The following COL4A1 variants were observed in gnomAD, a reference collection of about 807,000 sequenced individuals.
The protein encoded by COL4A1 is collagen alpha-1(IV) chain.
COL4A1 carries 40 observed loss-of-function variants against 216.6 expected under a neutral mutation model. The observed-to-expected ratio is 0.18, with a 90% CI of 0.14 to 0.24. The LOEUF is 0.24. Among genes scored for constraint, COL4A1 ranks in the 10% least tolerant of loss-of-function variants. The pLI is 1.00. For missense variants in COL4A1, 1,628 were observed against 2,196.8 expected (o/e 0.74, Z 5.18); for synonymous variants, 839 against 810.7 (o/e 1.03, Z -0.59).
chr13:110,229,555 C>G (rs1383108187), intron 2 of COL4A1, among the ~76,000 whole-genome samples: 2 of 152,190 alleles, frequency 1.3e-5, no homozygotes, highest in African/African-American at 4.8e-5. Context: ...ATGCCCCGCC[C>G]CAAATTCCTG....
At chr13:110,156,451 T>C (rs921395052) in intron 49 of COL4A1, among the ~76,000 whole-genome samples, 1 of 152,230 alleles carries the variant, frequency 6.6e-6, no homozygotes, top group Non-Finnish European at 1.5e-5. Context: ...GAAACTTGTC[T>C]TTTTGGTCTG....
At chr13:110,250,328 A>C (rs1882016371) in intron 1 of COL4A1, among the ~76,000 whole-genome samples, 1 of 152,076 alleles carries the variant, frequency 6.6e-6, no homozygotes, top group Non-Finnish European at 1.5e-5. Context: ...TCTGCTTCTC[A>C]ATTAGAGACT....
intron 1 of COL4A1, among the ~76,000 whole-genome samples, chr13:110,283,496 ACACGCACACTCT>A (rs1273727227): frequency 2.0e-5 from 3 of 152,232 alleles, no homozygotes; most frequent in Non-Finnish European, 4.4e-5. Context: ...CCCCATAGGC[ACACGCACACTCT>A]CACGCACACA....
At chr13:110,250,510 C>T (rs1209135840) in intron 1 of COL4A1, among the ~76,000 whole-genome samples, 6 of 152,100 alleles carry the variant, frequency 3.9e-5, no homozygotes, top group African/African-American at 9.7e-5. Flanking sequence ...TCCCACTAAA[C>T]GGGGGTGGAC....
chr13:110,200,843 A>C lies in COL4A1; in HGVS notation c.1120+11T>G, dbSNP rs1879158971. On this transcript the variant is annotated intron_variant, in intron 20 of 51. Coordinates refer to ENST00000375820, the MANE Select transcript of COL4A1 (RefSeq NM_001845.6). ...CAAGTATGCTATAACAAATCAGTTA[A>C]GGAGTCTCACCTGGAGGTCCGGGTT... is the stretch of plus-strand genomic sequence containing the variant. The C allele has an allele frequency of 6.2e-7, 1 of 1,613,676 alleles. No individual in the cohort carries two copies. Among genetic ancestry groups the C allele is most frequent in the African/African-American group, 1.3e-5 (1 of 74,936 alleles).
chr13:110,198,354 G>C, intron 21 of COL4A1, 113 bp downstream of exon 21: 1 of 1,108,350 alleles, frequency 9.0e-7, no homozygotes, highest in Non-Finnish European at 1.3e-6. Flanking sequence ...AAGAATCCAC[G>C]CCTTTCTATT....
chr13:110,174,881 A>T, intron 37 of COL4A1, 132 bp from the exon 38 acceptor site: 1 of 962,570 alleles, frequency 1.0e-6, no homozygotes. Flanking sequence ...CAGATTTCTC[A>T]TCAAAGAATC....
chr13:110,162,530 A>G (rs1877134512), intron 47 of COL4A1, 88 bp from the exon 48 acceptor site: 1 of 1,007,674 alleles, frequency 9.9e-7, no homozygotes, highest in Non-Finnish European at 1.5e-6. Flanking sequence ...AGAGTTTTTA[A>G]TATTTTATAT....
chr13:110,233,324 C>A (rs899620637), intron 2 of COL4A1, among the ~76,000 whole-genome samples: 2 of 152,050 alleles, frequency 1.3e-5, no homozygotes, highest in East Asian at 3.9e-4. Context: ...CTTGGCATTG[C>A]AAACGCCAGA....
intron 19 of COL4A1, 31 bp from the exon 20 acceptor site, chr13:110,200,920 C>A: frequency 6.2e-7 from 1 of 1,612,062 alleles, no homozygotes. Context: ...TTGGATCAAA[C>A]AGAACAGTTC....
chr13:110,187,351 A>G, intron 24 of COL4A1, 22 bp from the exon 25 acceptor site: 1 of 1,611,734 alleles, frequency 6.2e-7, no homozygotes. Flanking sequence ...AAGCCTTGTG[A>G]TCCACAGAAG....
intron 23 of COL4A1, 55 bp from the exon 24 acceptor site, chr13:110,192,339 C>T: frequency 6.5e-7 from 1 of 1,529,508 alleles, no homozygotes; most frequent in Non-Finnish European, 9.1e-7. Context: ...AGACACTTCT[C>T]AAAACCTTTT....
At chr13:110,206,969 G>GAA (rs60585275) in intron 13 of COL4A1, 78 bp from the exon 14 acceptor site, 552 of 1,154,738 alleles carry the variant, frequency 4.8e-4, no homozygotes, top group African/African-American at 5.3e-4. Flanking sequence ...ACACACAGCA[G>GAA]AAAAAAAAAA....
chr13:110,243,748 C>T (rs974918666), intron 1 of COL4A1, among the ~76,000 whole-genome samples: 2 of 152,206 alleles, frequency 1.3e-5, no homozygotes, highest in Non-Finnish European at 2.9e-5. Context: ...GCACAGTCAG[C>T]GATCATCTTA....
rs748638078 is a variant in COL4A1, at chr13:110,176,709, A to G, written c.2885T>C (p.Ile962Thr). The G allele has an allele frequency of 8.1e-6, 13 of 1,613,954 alleles. No homozygotes were observed. Among genetic ancestry groups the G allele is most frequent in the African/African-American group, 1.3e-5 (1 of 74,908 alleles). ...GTCTCCTCGGGATCCCTTCTCACCA[A>G]TTGGTCCAATTTGTCCTACACATCA... ...DQGEKGQIGP[I>T]GEKGSRGDPG... Residue 962 changes from isoleucine (I) to threonine (T), a missense_variant, in exon 35 of 52, where the codon ATT becomes ACT. By Grantham distance (89) the Ile-to-Thr change is moderately conservative. This residue lies in a region of COL4A1 where 58 missense variants were observed against 132.5 expected (regional missense o/e 0.44). Coordinates refer to ENST00000375820, the MANE Select transcript of COL4A1 (RefSeq NM_001845.6).
intron 22 of COL4A1, among the ~76,000 whole-genome samples, chr13:110,193,895 T>C (rs1377381312): frequency 6.6e-6 from 1 of 152,176 alleles, no homozygotes; most frequent in African/African-American, 2.4e-5. Context: ...CGTGGGTGTG[T>C]CTGTTCGCAA....
chr13:110,245,302 A>G (rs1016586694), intron 1 of COL4A1, among the ~76,000 whole-genome samples: 4 of 152,188 alleles, frequency 2.6e-5, no homozygotes, highest in African/African-American at 9.7e-5. Context: ...GCCACTGCCC[A>G]CAACCTGTTT....
At position 110,203,507 on chromosome 13, in the gene COL4A1, G is replaced by C. The variant is rs1412630848; in HGVS notation, c.999+59C>G. 1.9e-6 allele frequency: 3 copies of C among 1,591,854 alleles called. No homozygotes were observed. The African/African-American group carries it at 4.0e-5, about 21-fold the overall frequency. On this transcript the variant is annotated intron_variant, in intron 18 of 51. Transcript: ENST00000375820. ...TCCCCCCAGTGCTCTCACAGACCCAGGGTCCTCTCCTTCCTCCCCCAGCGC... is the reference window on the plus strand; with the variant it reads ...TCCCCCCAGTGCTCTCACAGACCCACGGTCCTCTCCTTCCTCCCCCAGCGC...
At chr13:110,234,566 A>C (rs1881216984) in intron 2 of COL4A1, among the ~76,000 whole-genome samples, 2 of 152,234 alleles carry the variant, frequency 1.3e-5, no homozygotes, top group Middle Eastern at 3.4e-3. Flanking sequence ...TGAGTGACAG[A>C]GTGAGACTCC....
Sources: allele counts gnomAD v4.1 joint callset (sites outside exome capture counted in the v4.1 genomes callset), GRCh38; gene constraint gnomAD v4.1.1; regional missense constraint gnomAD v4.1.1; transcripts MANE v1.5; gene names NCBI Gene and HGNC (gene_info 2026-07-23, HGNC 2026-07-21).